The following NXPH2 variants were observed in gnomAD, a reference collection of about 807,000 sequenced individuals.
NXPH2 encodes neurexophilin 2.
NXPH2 carries 5 observed loss-of-function variants against 19.8 expected under a neutral mutation model. The ratio of observed to expected loss-of-function variants is 0.25; its 90% CI spans 0.13 to 0.53. The LOEUF (loss-of-function observed/expected upper bound fraction) is 0.53. Among genes scored for constraint, NXPH2 ranks in the 20% least tolerant of loss-of-function variants. The probability of loss-of-function intolerance (pLI) is 0.96; values close to 1 mark genes in which losing one functional copy is unlikely to be tolerated. For missense variants in NXPH2, 289 were observed against 322.8 expected (o/e 0.90, Z 0.80); for synonymous variants, 154 against 127.4 (o/e 1.21, Z -1.41).
intron 1 of NXPH2, among the ~76,000 whole-genome samples, chr2:138,714,368 C>T (rs1681157265): frequency 6.6e-6 from 1 of 152,116 alleles, no homozygotes; most frequent in African/African-American, 2.4e-5. Flanking sequence ...TGTCCTATAT[C>T]CCACTTAATA....
At chr2:138,776,290 A>T (rs966896885) in intron 1 of NXPH2, among the ~76,000 whole-genome samples, 1 of 152,094 alleles carries the variant, frequency 6.6e-6, no homozygotes, top group Non-Finnish European at 1.5e-5. Flanking sequence ...ATTACTAATC[A>T]AAAACCATAA....
At chr2:138,679,400 ATTTT>A (rs34158790) in intron 1 of NXPH2, among the ~76,000 whole-genome samples, 4 of 139,966 alleles carry the variant, frequency 2.9e-5, no homozygotes, top group Non-Finnish European at 1.5e-5. Context: ...AGAGGCCTGA[ATTTT>A]TTTTTTTTTT....
intron 1 of NXPH2, among the ~76,000 whole-genome samples, chr2:138,772,966 G>T (rs1230600354): frequency 1.3e-5 from 2 of 152,218 alleles, no homozygotes; most frequent in African/African-American, 4.8e-5. Context: ...AACCACGAAA[G>T]AATTTTGCAA....
At chr2:138,743,347 T>C (rs1681674563) in intron 1 of NXPH2, among the ~76,000 whole-genome samples, 1 of 152,244 alleles carries the variant, frequency 6.6e-6, no homozygotes, top group Non-Finnish European at 1.5e-5. Context: ...TATTCAGTTA[T>C]TTTTAAAATG....
intron 1 of NXPH2, among the ~76,000 whole-genome samples, chr2:138,747,406 G>C (rs1681755768): frequency 6.6e-6 from 1 of 152,158 alleles, no homozygotes; most frequent in Non-Finnish European, 1.5e-5. Context: ...ACACTAACTG[G>C]ATGGAGCACT....
chr2:138,710,416 G>A (rs1340471817), intron 1 of NXPH2, among the ~76,000 whole-genome samples: 1 of 152,052 alleles, frequency 6.6e-6, no homozygotes, highest in Non-Finnish European at 1.5e-5. Context: ...ATTATTTTGG[G>A]TATATATCCA....
At position 138,722,293 on chromosome 2, in the gene NXPH2, T is replaced by C. The variant is rs574738500; in HGVS notation, c.52-50628A>G. Among the ~76,000 whole-genome samples, 17 of 152,214 alleles carry C rather than the reference T, an allele frequency of 1.1e-4. No individual in the cohort carries two copies. In the South Asian group the frequency reaches 2.9e-3, roughly 26 times the overall value. On this transcript the variant is annotated intron_variant, in intron 1 of 1. Coordinates refer to ENST00000272641, the MANE Select transcript of NXPH2 (RefSeq NM_007226.3). ...CACACACTTGCAGAAAGTGAGAAAA[T>C]AAGCTTTGAACACATTTTGGAAAAA...
intron 1 of NXPH2, among the ~76,000 whole-genome samples, chr2:138,771,400 C>A (rs978221806): frequency 1.5e-4 from 23 of 151,740 alleles, no homozygotes; most frequent in African/African-American, 5.1e-4. Context: ...ATTAATAATG[C>A]CCTGAGTATA....
chr2:138,732,841 G>A (rs764108545), intron 1 of NXPH2, among the ~76,000 whole-genome samples: 2 of 152,160 alleles, frequency 1.3e-5, no homozygotes, highest in Admixed American at 6.5e-5. Flanking sequence ...CTGCTCACCA[G>A]TGCTGATTAA....
At chr2:138,772,204 C>T (rs1682189880) in intron 1 of NXPH2, among the ~76,000 whole-genome samples, 1 of 152,208 alleles carries the variant, frequency 6.6e-6, no homozygotes, top group Admixed American at 6.5e-5. Flanking sequence ...TCTGCTGATC[C>T]TAACTGGAGC....
chr2:138,709,328 T>C lies in NXPH2; in HGVS notation c.52-37663A>G, dbSNP rs1681062200. Among the ~76,000 whole-genome samples, 4 of 152,198 alleles carry C rather than the reference T, an allele frequency of 2.6e-5. No homozygotes were observed. In the South Asian group the frequency reaches 8.3e-4, roughly 32 times the overall value. On this transcript the variant is annotated intron_variant, in intron 1 of 1. Transcript: ENST00000272641. ...ATAATTTTATTTTATTTTGGTGAAATAGAGATAACAAAATTTGTCATCTTA... is the reference window on the plus strand; with the variant it reads ...ATAATTTTATTTTATTTTGGTGAAACAGAGATAACAAAATTTGTCATCTTA...
At chr2:138,738,584 A>T (rs1573972701) in intron 1 of NXPH2, among the ~76,000 whole-genome samples, 1 of 152,152 alleles carries the variant, frequency 6.6e-6, no homozygotes, top group Non-Finnish European at 1.5e-5. Context: ...GATTTCCTCA[A>T]TCACTTCAAT....
At chr2:138,719,487 C>A (rs1681243648) in intron 1 of NXPH2, among the ~76,000 whole-genome samples, 1 of 152,110 alleles carries the variant, frequency 6.6e-6, no homozygotes, top group African/African-American at 2.4e-5. Flanking sequence ...TTTTAAATAA[C>A]TTTCATACTT....
chr2:138,686,733 G>A (rs1322277836), intron 1 of NXPH2, among the ~76,000 whole-genome samples: 1 of 152,016 alleles, frequency 6.6e-6, no homozygotes, highest in Non-Finnish European at 1.5e-5. Context: ...CCCAGTGTGT[G>A]ATGTTCCCCT....
In NXPH2 at chr2:138,736,774, C is replaced by G. The variant is rs117861707; in HGVS notation, c.51+43417G>C. Among the ~76,000 whole-genome samples the G allele has an allele frequency of 1.9e-4, 29 of 152,308 alleles. No homozygotes were observed. The East Asian group carries it at 5.4e-3, about 28-fold the overall frequency. Reference sequence around the variant, plus strand: ...TGCTATTTCCCTTTTAAAACTGAATCCTTTAACAGCATCCGAGTCACATCT... The same window carrying G: ...TGCTATTTCCCTTTTAAAACTGAATGCTTTAACAGCATCCGAGTCACATCT... On this transcript the variant is annotated intron_variant, in intron 1 of 1. Transcript: ENST00000272641.
intron 1 of NXPH2, among the ~76,000 whole-genome samples, chr2:138,735,400 T>C (rs1274765545): frequency 6.6e-6 from 1 of 152,146 alleles, no homozygotes; most frequent in Non-Finnish European, 1.5e-5. Flanking sequence ...CTTACATGGA[T>C]GGCAGCAGGC....
At chr2:138,752,893 T>C (rs1388546805) in intron 1 of NXPH2, among the ~76,000 whole-genome samples, 1 of 152,194 alleles carries the variant, frequency 6.6e-6, no homozygotes, top group Non-Finnish European at 1.5e-5. Context: ...AGAGGAATAC[T>C]ACATAGACAA....
At chr2:138,753,293 T>G (rs1194377294) in intron 1 of NXPH2, among the ~76,000 whole-genome samples, 1 of 152,198 alleles carries the variant, frequency 6.6e-6, no homozygotes, top group African/African-American at 2.4e-5. Context: ...TTCTTTCAGT[T>G]GGCTCCTGGG....
chr2:138,681,089 T>C (rs762597647), intron 1 of NXPH2, among the ~76,000 whole-genome samples: 2 of 152,232 alleles, frequency 1.3e-5, no homozygotes, highest in Non-Finnish European at 2.9e-5. Flanking sequence ...AGATGCAGTC[T>C]TGGGTTCTGA....
Sources: gnomAD v4.1 joint callset for allele counts (sites outside exome capture counted in the v4.1 genomes callset) on GRCh38, gnomAD v4.1.1 for gene constraint, MANE v1.5 for transcripts, NCBI Gene and HGNC (gene_info 2026-07-23, HGNC 2026-07-21) for gene names.